Variants in TMEM131 observed in about 807,000 individuals in gnomAD.
The protein encoded by TMEM131 is 2610524E03Rik.
In TMEM131, 66 loss-of-function variants were observed where a neutral mutation model predicts 211.6. That is an observed-to-expected ratio of 0.31 (90% CI 0.26 to 0.38). The LOEUF is 0.38. TMEM131 is among the 10% of genes least tolerant of loss of function. TMEM131 has a pLI of 1.00. For synonymous variants in TMEM131, 844 were observed against 841.3 expected (o/e 1.00, Z -0.06); for missense variants, 2,036 against 2,299.3 (o/e 0.89, Z 2.34).
intron 3 of TMEM131, among the ~76,000 whole-genome samples, chr2:97,907,836 T>G (rs1157907566): frequency 1.3e-5 from 2 of 152,210 alleles, no homozygotes; most frequent in African/African-American, 4.8e-5. Flanking sequence ...GGGCGCTCAC[T>G]AGAACAGGTA....
intron 1 of TMEM131, among the ~76,000 whole-genome samples, chr2:97,955,924 G>T (rs1678546930): frequency 6.6e-6 from 1 of 152,084 alleles, no homozygotes; most frequent in South Asian, 2.1e-4. Context: ...TAATATACAG[G>T]TTTAATGCAA....
intron 3 of TMEM131, 62 bp from the exon 4 acceptor site, chr2:97,888,182 C>CT: frequency 7.2e-7 from 1 of 1,388,890 alleles, no homozygotes; most frequent in Non-Finnish European, 9.9e-7. Context: ...TCCCCAAACT[C>CT]TATTCAGACA....
chr2:97,984,462 C>T lies in TMEM131; in HGVS notation c.187+11014G>A, dbSNP rs1024784984. On this transcript the variant is annotated intron_variant, in intron 1 of 40. Transcript: ENST00000186436. ...ATAAAGAAAAGAGGTTTACTTGACT[C>T]ATGGTTCTGCAGGCTGTACAGGAAG... Among the ~76,000 whole-genome samples, 17 of 152,076 alleles carry T rather than the reference C, an allele frequency of 1.1e-4. 1 individual carries two copies. Among genetic ancestry groups the T allele is most frequent in the Non-Finnish European group, 1.6e-4 (11 of 67,992 alleles).
rs1450521912 is a variant in TMEM131 at position 97,776,000 on chromosome 2, T to C, written c.4163A>G (p.Gln1388Arg). 4 of 1,612,162 alleles carry C rather than the reference T, an allele frequency of 2.5e-6. No individual in the cohort carries two copies. The highest frequency in any genetic ancestry group is 3.4e-6 in the Non-Finnish European group (4 of 1,179,386). The change falls in exon 32 of 41, where the codon CAG becomes CGG. Residue 1388 changes from glutamine to arginine, a missense_variant. This residue lies in a region of TMEM131 where 1,623 missense variants were observed against 1,805.9 expected (regional missense o/e 0.90). Coordinates refer to ENST00000186436, the MANE Select transcript of TMEM131 (RefSeq NM_015348.2). ...CTTCTTAGGTGGTTTCACCTTGCGC[T>C]GAAGAGGTTTTCCTTTCCCTGAGGA... ...PKSKGKGKPL[Q>R]RKVKPPKKQE...
chr2:97,799,073 G>A (rs907695489), intron 25 of TMEM131, among the ~76,000 whole-genome samples: 4 of 152,138 alleles, frequency 2.6e-5, no homozygotes, highest in Non-Finnish European at 5.9e-5. Context: ...TCCTGTCAGA[G>A]TATCCACCAC....
At chr2:97,785,031 C>T (rs561924828) in intron 31 of TMEM131, among the ~76,000 whole-genome samples, 5 of 152,242 alleles carry the variant, frequency 3.3e-5, no homozygotes, top group African/African-American at 1.2e-4. Flanking sequence ...TGATGGACCA[C>T]TTGATTAAAA....
chr2:97,759,149 G>GC, intron 39 of TMEM131, 96 bp from the exon 40 acceptor site: 1 of 1,478,964 alleles, frequency 6.8e-7, no homozygotes, highest in Non-Finnish European at 9.3e-7. Context: ...TCCAACCACT[G>GC]CTCCTGGAGC....
intron 35 of TMEM131, chr2:97,765,275 G>A (rs765544979): frequency 5.9e-5 from 9 of 152,224 alleles, no homozygotes; most frequent in Admixed American, 1.3e-4. Context: ...ACATTCCGGC[G>A]AGAGCGTGGA....
Position 97,818,667 on chromosome 2 carries a change from T to C in TMEM131, c.1129A>G (p.Thr377Ala), listed in dbSNP as rs553100075. 4.0e-5 allele frequency: 64 copies of C among 1,608,776 alleles called. 2 individuals carry two copies. In the South Asian group the frequency reaches 6.9e-4, roughly 17 times the overall value. Residue 377 changes from threonine (T) to alanine (A), a missense_variant, in exon 12 of 41, where the codon ACA becomes GCA. Thr to Ala is a moderately conservative substitution (Grantham distance 58). Transcript: ENST00000186436. The part of the protein sequence containing the change: ...DAITVHFKPI[T>A]LKASESKYTK... ...TATTTACTTTCTGATGCTTTTAATGTAATTGGTTTAAAGTGTACCGTTATA... is the reference window on the plus strand; with the variant it reads ...TATTTACTTTCTGATGCTTTTAATGCAATTGGTTTAAAGTGTACCGTTATA...
chr2:97,874,086 T>C (rs545668773), intron 4 of TMEM131, among the ~76,000 whole-genome samples: 2 of 152,268 alleles, frequency 1.3e-5, no homozygotes, highest in African/African-American at 4.8e-5. Context: ...TACACAAGTT[T>C]CAACAGCCGA....
intron 5 of TMEM131, among the ~76,000 whole-genome samples, chr2:97,844,881 AAG>A (rs1683352025): frequency 6.6e-6 from 1 of 152,110 alleles, no homozygotes; most frequent in Admixed American, 6.5e-5. Context: ...CCCTGAAACA[AAG>A]CCTTAAAGTG....
At chr2:97,877,009 T>C (rs1674723818) in intron 4 of TMEM131, among the ~76,000 whole-genome samples, 1 of 152,174 alleles carries the variant, frequency 6.6e-6, no homozygotes, top group South Asian at 2.1e-4. Flanking sequence ...CAGCAAAGTC[T>C]CAGGATACAA....
intron 2 of TMEM131, among the ~76,000 whole-genome samples, chr2:97,924,991 T>C (rs1171616148): frequency 6.6e-6 from 1 of 152,142 alleles, no homozygotes; most frequent in East Asian, 1.9e-4. Flanking sequence ...GCGATCCTCC[T>C]GCCTCAGACA....
At chr2:97,791,174 T>A (rs568193925) in intron 31 of TMEM131, among the ~76,000 whole-genome samples, 8 of 152,274 alleles carry the variant, frequency 5.3e-5, no homozygotes, top group African/African-American at 1.9e-4. Context: ...TATTTACTGG[T>A]TTTTACCTTT....
chr2:97,864,401 A>G (rs1016530732), intron 4 of TMEM131, among the ~76,000 whole-genome samples: 36 of 152,240 alleles, frequency 2.4e-4, no homozygotes, highest in African/African-American at 8.4e-4. Context: ...TGGTAACACA[A>G]AAGATAAATG....
chr2:97,825,018 A>G (rs538307469), intron 11 of TMEM131, among the ~76,000 whole-genome samples: 1 of 152,154 alleles, frequency 6.6e-6, no homozygotes, highest in Non-Finnish European at 1.5e-5. Context: ...ACTGTTCTGG[A>G]CCTCAAGAAT....
rs369987318 is a variant in TMEM131, at chr2:97,815,322, A to G, written c.1184-15T>C. The G allele has an allele frequency of 8.2e-5, 123 of 1,494,190 alleles. No homozygotes were observed. Among genetic ancestry groups the G allele is most frequent in the Non-Finnish European group, 1.0e-4 (114 of 1,110,784 alleles). The allele number at this position is 1,494,190 out of a possible 1,614,324, so 92.6% of individuals were successfully genotyped here. A position where few individuals can be genotyped will look rare whatever the true frequency, so the allele number is the denominator to read the frequency against. ...TGCCTTCGATGCTGAAAGGAAGCATAAAAAATAATCTCTGTTACCTTTTAC... is the reference window on the plus strand; with the variant it reads ...TGCCTTCGATGCTGAAAGGAAGCATGAAAAATAATCTCTGTTACCTTTTAC... On this transcript the variant is annotated splice_polypyrimidine_tract_variant and intron_variant, in intron 12 of 40. Coordinates refer to ENST00000186436, the MANE Select transcript of TMEM131 (RefSeq NM_015348.2).
intron 5 of TMEM131, among the ~76,000 whole-genome samples, chr2:97,848,792 A>G (rs1320355282): frequency 6.6e-6 from 1 of 152,198 alleles, no homozygotes. Context: ...CATGACCCAT[A>G]AAAGAACAAT....
At chr2:97,876,622 G>A (rs1674707202) in intron 4 of TMEM131, among the ~76,000 whole-genome samples, 1 of 152,172 alleles carries the variant, frequency 6.6e-6, no homozygotes, top group African/African-American at 2.4e-5. Context: ...CTCAATAGAT[G>A]CAGAAAAGGC....
Sources: allele counts gnomAD v4.1 joint callset (sites outside exome capture counted in the v4.1 genomes callset), GRCh38; gene constraint gnomAD v4.1.1; regional missense constraint gnomAD v4.1.1; transcripts MANE v1.5; gene names NCBI Gene and HGNC (gene_info 2026-07-23, HGNC 2026-07-21).